The following CADM3 variants were observed in gnomAD, a reference collection of about 807,000 sequenced individuals.
The protein encoded by CADM3 is cell adhesion molecule 3.
CADM3 carries 11 observed loss-of-function variants against 44.9 expected under a neutral mutation model. The observed-to-expected ratio is 0.25, with a 90% CI of 0.15 to 0.41. The LOEUF (loss-of-function observed/expected upper bound fraction) is 0.41. Among genes scored for constraint, CADM3 ranks in the 10% least tolerant of loss-of-function variants. CADM3 has a pLI of 1.00. For missense variants in CADM3, 426 were observed against 512.0 expected, an observed-to-expected ratio of 0.83 and a Z score of 1.62; for synonymous variants, 207 against 205.2, an observed-to-expected ratio of 1.01 and a Z score of -0.08.
At position 159,192,510 on chromosome 1, in the gene CADM3, T is replaced by A. The variant is rs1649708900; in HGVS notation, c.230-68T>A. On this transcript the variant is annotated intron_variant, in intron 2 of 8. Transcript: ENST00000368125. ...ACCCCTTCCCCCAAAGAAGCTGGCC[T>A]GGGATTGGAAGGTAAACATGAAAGG... 5.0e-6 allele frequency: 8 copies of A among 1,599,528 alleles called. No homozygotes were observed. The South Asian group carries it at 8.9e-5, about 18-fold the overall frequency.
rs1649688985 is a variant in CADM3, at chr1:159,192,079, A to G, written c.229+3A>G. 6.2e-7 allele frequency: 1 copy of G among 1,613,658 alleles called. No homozygotes were observed. Among genetic ancestry groups the G allele is most frequent in the South Asian group, 1.1e-5 (1 of 91,070 alleles). On this transcript the variant is annotated splice_donor_region_variant and intron_variant, in intron 2 of 8. Transcript: ENST00000368125. ...TCTCTACTTTGGGGAGAAGAGAGGTAGTATCTCATGAGTTATCTTTCTCCG... is the reference window on the plus strand; with the variant it reads ...TCTCTACTTTGGGGAGAAGAGAGGTGGTATCTCATGAGTTATCTTTCTCCG...
Position 159,171,805 on chromosome 1 carries a change from C to A in CADM3, c.40C>A (p.Leu14Met). The A allele has an allele frequency of 1.6e-6, 2 of 1,247,796 alleles. No homozygotes were observed. Among genetic ancestry groups the A allele is most frequent in the Non-Finnish European group, 2.0e-6 (2 of 995,062 alleles). 77.3% of individuals were successfully genotyped at this position (1,247,796 alleles called of 1,614,324 possible). A position where few individuals can be genotyped will look rare whatever the true frequency, so the allele number is the denominator to read the frequency against. The change falls in exon 1 of 9, where the codon CTG (leucine) becomes ATG (methionine). Residue 14 changes from leucine (L) to methionine (M), a missense_variant. By Grantham distance (15) the Leu-to-Met change is conservative. Coordinates refer to ENST00000368125, the MANE Select transcript of CADM3 (RefSeq NM_001127173.3). ...CGCCTCGCTCCTGCTCCTGCTCCTG[C>A]TGTTCGCCTGCTGCTGGGCGCCCGG... ...PAASLLLLLL[L>M]FACCWAPGGA... is the part of the protein sequence containing the mutation.
At chr1:159,192,901 C>T (rs1649733516) in intron 3 of CADM3, among the ~76,000 whole-genome samples, 171 bp downstream of exon 3, 1 of 152,186 alleles carries the variant, frequency 6.6e-6, no homozygotes, top group South Asian at 2.1e-4. Context: ...GGGTTTTAAT[C>T]CTTTGTGCTC....
At chr1:159,194,131 C>G in intron 5 of CADM3, 91 bp downstream of exon 5, 2 of 1,338,278 alleles carry the variant, frequency 1.5e-6, no homozygotes, top group East Asian at 2.3e-5. Context: ...TGAAACAACA[C>G]GCACAGTTAA....
chr1:159,196,066 T>C (rs1439964762), intron 5 of CADM3: 2 of 327,170 alleles, frequency 6.1e-6, no homozygotes, highest in Non-Finnish European at 1.1e-5. Context: ...TGCTAGGAGG[T>C]TTGCTAGGCA....
chr1:159,184,155 G>T (rs1262085983), intron 1 of CADM3, among the ~76,000 whole-genome samples: 1 of 152,214 alleles, frequency 6.6e-6, no homozygotes. Flanking sequence ...TTTTGCTATG[G>T]CCAGTCTCTT....
intron 1 of CADM3, among the ~76,000 whole-genome samples, chr1:159,184,250 C>G (rs377140080): frequency 1.6e-4 from 24 of 152,224 alleles, no homozygotes; most frequent in African/African-American, 5.5e-4. Flanking sequence ...GACAAGGAGC[C>G]CAGCAATGGA....
chr1:159,182,791 T>A (rs1489060672), intron 1 of CADM3, among the ~76,000 whole-genome samples: 1 of 152,226 alleles, frequency 6.6e-6, no homozygotes, highest in African/African-American at 2.4e-5. Context: ...GCTGCAAGGT[T>A]TTAGGAACTA....
chr1:159,177,807 A>G (rs561466845), intron 1 of CADM3, among the ~76,000 whole-genome samples: 2 of 152,340 alleles, frequency 1.3e-5, no homozygotes, highest in African/African-American at 4.8e-5. Flanking sequence ...GTGACCTCAA[A>G]TGGCCTCAAA....
At position 159,171,852 on chromosome 1, in the gene CADM3, C is replaced by T. The variant is rs1309269516; in HGVS notation, c.87C>T (p.Asp29=). 15 of 1,242,090 alleles carry T rather than the reference C, an allele frequency of 1.2e-5. No individual in the cohort carries two copies. In the South Asian group the frequency reaches 3.2e-4, roughly 27 times the overall value. The allele number at this position is 1,242,090 out of a possible 1,614,324, so 76.9% of individuals were successfully genotyped here. A position where few individuals can be genotyped will look rare whatever the true frequency, so the allele number is the denominator to read the frequency against. The change falls in exon 1 of 9, where the codon GAC becomes GAT. Residue 29 remains aspartate, a splice_region_variant and synonymous_variant. Transcript: ENST00000368125. Reference sequence around the variant, plus strand: ...CCGGCGGGGCCAACCTCTCCCAGGACGGTGAGTGAGGGAGGGGGCGGCGCC... The same window carrying T: ...CCGGCGGGGCCAACCTCTCCCAGGATGGTGAGTGAGGGAGGGGGCGGCGCC... The part of the protein sequence containing the change: ...WAPGGANLSQ[D]DSQPWTSDET...
At chr1:159,180,120 A>C (rs1382231978) in intron 1 of CADM3, among the ~76,000 whole-genome samples, 1 of 152,018 alleles carries the variant, frequency 6.6e-6, no homozygotes, top group African/African-American at 2.4e-5. Flanking sequence ...TCTCCTGGGG[A>C]GTTTGAGCAG....
chr1:159,194,383 G>A, intron 5 of CADM3: 1 of 195,924 alleles, frequency 5.1e-6, no homozygotes, highest in Non-Finnish European at 1.1e-5. Context: ...TGGTCCAAGG[G>A]GATACCAACC....
chr1:159,196,805 C>A, intron 6 of CADM3, 86 bp from the exon 7 acceptor site: 1 of 1,317,840 alleles, frequency 7.6e-7, no homozygotes, highest in Admixed American at 2.1e-5. Flanking sequence ...CAGTCCTTGA[C>A]ATCCCTGCTC....
At chr1:159,186,211 G>A (rs148482007) in intron 1 of CADM3, among the ~76,000 whole-genome samples, 36 of 152,294 alleles carry the variant, frequency 2.4e-4, no homozygotes, top group African/African-American at 7.5e-4. Context: ...AGGGTGAGTG[G>A]AGTAGAGAAA....
chr1:159,171,692 A>AC lies in CADM3; in HGVS notation c.-69dup, dbSNP rs1648801881. Reference sequence around the variant, plus strand: ...GCCCTTTCGGTCAACATCGTAGTCCACCCCCTCCCCATCCCCAGCCCCCGG... The same window carrying AC: ...GCCCTTTCGGTCAACATCGTAGTCCACCCCCCTCCCCATCCCCAGCCCCCGG... On this transcript the variant is annotated 5_prime_UTR_variant, in exon 1 of 9. Transcript: ENST00000368125. 9.0e-7 allele frequency: 1 copy of AC among 1,106,118 alleles called. No individual in the cohort carries two copies. Among genetic ancestry groups the AC allele is most frequent in the South Asian group, 4.7e-5 (1 of 21,398 alleles). 68.5% of individuals were successfully genotyped at this position (1,106,118 alleles called of 1,614,324 possible). A position where few individuals can be genotyped will look rare whatever the true frequency, so the allele number is the denominator to read the frequency against.
intron 7 of CADM3, among the ~76,000 whole-genome samples, chr1:159,198,989 C>T (rs965114913): frequency 6.6e-6 from 1 of 152,138 alleles, no homozygotes; most frequent in Admixed American, 6.5e-5. Context: ...AGGCCTCCTC[C>T]TTGGGAAAGA....
intron 1 of CADM3, among the ~76,000 whole-genome samples, chr1:159,181,187 T>A (rs974694446): frequency 6.6e-6 from 1 of 152,124 alleles, no homozygotes; most frequent in African/African-American, 2.4e-5. Context: ...GATGAGGAAC[T>A]TTTTCCCCCC....
At chr1:159,192,153 T>C in intron 2 of CADM3, 77 bp downstream of exon 2, 1 of 1,481,116 alleles carries the variant, frequency 6.8e-7, no homozygotes, top group Non-Finnish European at 9.2e-7. Context: ...AGGGGAACTG[T>C]TCCTGTCATC....
chr1:159,188,026 T>C (rs997271633), intron 1 of CADM3, among the ~76,000 whole-genome samples: 1 of 152,042 alleles, frequency 6.6e-6, no homozygotes, highest in African/African-American at 2.4e-5. Context: ...TTTTCTCTGT[T>C]TTCTCCGCTT....
Sources: gnomAD v4.1 joint callset for allele counts (sites outside exome capture counted in the v4.1 genomes callset) on GRCh38, gnomAD v4.1.1 for gene constraint, MANE v1.5 for transcripts, NCBI Gene and HGNC (gene_info 2026-07-23, HGNC 2026-07-21) for gene names.